Variants in EPB41L2 observed in about 807,000 individuals in gnomAD.
The protein encoded by EPB41L2 is band 4.1-like protein 2.
EPB41L2 carries 43 observed loss-of-function variants against 113.0 expected under a neutral mutation model. The ratio of observed to expected loss-of-function variants is 0.38; its 90% CI spans 0.30 to 0.49. EPB41L2 has a LOEUF of 0.49. EPB41L2 is among the 20% of genes least tolerant of loss of function. EPB41L2 has a pLI of 0.95. For synonymous variants in EPB41L2, 442 were observed against 436.7 expected, an observed-to-expected ratio of 1.01 and a Z score of -0.15; for missense variants, 1,147 against 1,223.4, an observed-to-expected ratio of 0.94 and a Z score of 0.93.
At chr6:130,978,149 G>C (rs1314393561) in intron 1 of EPB41L2, among the ~76,000 whole-genome samples, 12 of 152,118 alleles carry the variant, frequency 7.9e-5, no homozygotes. Context: ...GGCTCTGCTA[G>C]AACCATATAA....
At chr6:130,994,822 T>C (rs1273739707) in intron 1 of EPB41L2, among the ~76,000 whole-genome samples, 1 of 152,176 alleles carries the variant, frequency 6.6e-6, no homozygotes, top group Non-Finnish European at 1.5e-5. Flanking sequence ...GTCACGCCTC[T>C]GCTCACTGAG....
chr6:130,902,280 G>T (rs1354235934), intron 6 of EPB41L2, among the ~76,000 whole-genome samples: 2 of 152,294 alleles, frequency 1.3e-5, no homozygotes, highest in South Asian at 2.1e-4. Flanking sequence ...CAATCAAATG[G>T]GGAGTGCTGG....
intron 1 of EPB41L2, among the ~76,000 whole-genome samples, chr6:131,001,584 GT>G (rs1406952532): frequency 6.6e-6 from 1 of 152,094 alleles, no homozygotes; most frequent in African/African-American, 2.4e-5. Flanking sequence ...CTCTACCGGA[GT>G]TTCCCCACCC....
At chr6:130,999,970 A>G (rs1004367386) in intron 1 of EPB41L2, among the ~76,000 whole-genome samples, 1 of 152,194 alleles carries the variant, frequency 6.6e-6, no homozygotes, top group African/African-American at 2.4e-5. Flanking sequence ...ATGAGCTGAA[A>G]TTAATTAGGT....
intron 4 of EPB41L2, among the ~76,000 whole-genome samples, chr6:130,918,996 A>C (rs768441350): frequency 1.3e-5 from 2 of 152,176 alleles, no homozygotes; most frequent in Non-Finnish European, 2.9e-5. Context: ...TGAGGACTGG[A>C]TTTTGTCTAC....
Position 131,062,013 on chromosome 6 carries a change from C to A in EPB41L2, c.-15+1142G>T, listed in dbSNP as rs73625632. Among the ~76,000 whole-genome samples the A allele has an allele frequency of 8.4e-3, 1,281 of 152,146 alleles. 27 individuals are homozygous for A. Among genetic ancestry groups the A allele is most frequent in the African/African-American group, 0.03 (1,231 of 41,484 alleles). On this transcript the variant is annotated intron_variant, in intron 1 of 19. Coordinates refer to ENST00000337057, the MANE Select transcript of EPB41L2 (RefSeq NM_001431.4). ...AAGCGAAAATATAGCCACAGCTCCTCTAGATTCCACCTTCTCTCCCATCCA... is the reference window on the plus strand; with the variant it reads ...AAGCGAAAATATAGCCACAGCTCCTATAGATTCCACCTTCTCTCCCATCCA...
chr6:130,882,046 A>G (rs1458456375), intron 12 of EPB41L2: 2 of 152,208 alleles, frequency 1.3e-5, no homozygotes, highest in Middle Eastern at 3.2e-3. Context: ...AAGAGAAATA[A>G]CAGTACTAAG....
At chr6:130,912,360 A>C (rs1280797925) in intron 4 of EPB41L2, among the ~76,000 whole-genome samples, 1 of 152,220 alleles carries the variant, frequency 6.6e-6, no homozygotes, top group Non-Finnish European at 1.5e-5. Flanking sequence ...GGTATAACGG[A>C]ACATTAACTG....
At chr6:130,985,529 C>T (rs1291110973) in intron 1 of EPB41L2, among the ~76,000 whole-genome samples, 1 of 152,168 alleles carries the variant, frequency 6.6e-6, no homozygotes, top group Non-Finnish European at 1.5e-5. Context: ...TGTGACGTCT[C>T]CTGCAGCAGG....
intron 1 of EPB41L2, among the ~76,000 whole-genome samples, chr6:130,982,455 G>A (rs1779586882): frequency 6.6e-6 from 1 of 151,848 alleles, no homozygotes; most frequent in Admixed American, 6.6e-5. Flanking sequence ...TGACAGACAG[G>A]GTATAATTCT....
chr6:130,987,850 C>T (rs537123178), intron 1 of EPB41L2, among the ~76,000 whole-genome samples: 2 of 152,128 alleles, frequency 1.3e-5, no homozygotes, highest in Admixed American at 1.3e-4. Flanking sequence ...CAGTGGCTCA[C>T]ACCTATAATC....
In EPB41L2 at chr6:130,915,284, CAG is replaced by C. The variant is rs1419934073; in HGVS notation, c.811-6423_811-6422del. Among the ~76,000 whole-genome samples the C allele has an allele frequency of 2.6e-5, 4 of 152,216 alleles. No individual in the cohort carries two copies. The East Asian group carries it at 7.7e-4, about 29-fold the overall frequency. Reference sequence around the variant, plus strand: ...CGCCACTGCACTCCAGCCTGGGCGACAGAGCGAGACTCCGTCTCAAAAAAAAA... The same window carrying C: ...CGCCACTGCACTCCAGCCTGGGCGACAGCGAGACTCCGTCTCAAAAAAAAA... On this transcript the variant is annotated intron_variant, in intron 4 of 19. Coordinates refer to ENST00000337057, the MANE Select transcript of EPB41L2 (RefSeq NM_001431.4).
chr6:130,981,349 G>C (rs9492774), intron 1 of EPB41L2, among the ~76,000 whole-genome samples: 70,172 of 151,976 alleles, frequency 0.46, 17,056 homozygotes, highest in East Asian at 0.66. Context: ...CATAGTGTGT[G>C]CCAAGGGCTT....
At chr6:130,878,489 G>T (rs1166525799) in intron 13 of EPB41L2, 4 of 397,674 alleles carry the variant, frequency 1.0e-5, no homozygotes, top group Non-Finnish European at 1.8e-5. Context: ...ATTTTAAAGG[G>T]TTCTGATTTC....
chr6:130,867,396 T>C, intron 16 of EPB41L2, 63 bp downstream of exon 16: 1 of 1,561,912 alleles, frequency 6.4e-7, no homozygotes, highest in Non-Finnish European at 8.7e-7. Context: ...GAAGAAAGAA[T>C]GAAAACATAG....
chr6:131,013,223 TA>T (rs1166217412), intron 1 of EPB41L2, among the ~76,000 whole-genome samples: 1 of 120,096 alleles, frequency 8.3e-6, no homozygotes, highest in Admixed American at 8.6e-5. Context: ...AACACACTTC[TA>T]ATCAGTTAAC....
intron 12 of EPB41L2, among the ~76,000 whole-genome samples, chr6:130,883,697 CA>C (rs1438814297): frequency 6.6e-6 from 1 of 152,194 alleles, no homozygotes; most frequent in African/African-American, 2.4e-5. Context: ...GCCTTGTTAG[CA>C]AAATTTTTAA....
At position 130,899,568 on chromosome 6, in the gene EPB41L2, G is replaced by C. The variant is rs756090225; in HGVS notation, c.1159C>G (p.Pro387Ala). The change falls in exon 8 of 20, where the codon CCA becomes GCA. Residue 387 changes from proline (P) to alanine (A), a missense_variant. Coordinates refer to ENST00000337057, the MANE Select transcript of EPB41L2 (RefSeq NM_001431.4). ...ELHKTHRGLS[P>A]AQADSQFLEN... is the part of the protein sequence containing the mutation. ...AAGAACTGGGAATCAGCTTGTGCTG[G>C]CGATAAGCCCCTGAGAATCAAAAGA... 1 of 1,613,658 alleles carries C rather than the reference G, an allele frequency of 6.2e-7. No individual in the cohort carries two copies. Among genetic ancestry groups the C allele is most frequent in the Admixed American group, 1.7e-5 (1 of 59,994 alleles).
intron 19 of EPB41L2, among the ~76,000 whole-genome samples, chr6:130,845,279 ATT>A (rs1583465889): frequency 6.6e-6 from 1 of 152,312 alleles, no homozygotes; most frequent in Admixed American, 6.5e-5. Context: ...GTGTGTTGGC[ATT>A]TTCACCAATG....
Sources: gnomAD v4.1 joint callset for allele counts (sites outside exome capture counted in the v4.1 genomes callset) on GRCh38, gnomAD v4.1.1 for gene constraint, MANE v1.5 for transcripts, NCBI Gene and HGNC (gene_info 2026-07-23, HGNC 2026-07-21) for gene names.